The following EHBP1 variants were observed in gnomAD, a reference collection of about 807,000 sequenced individuals.
EHBP1 encodes EH domain-binding protein 1.
Under a neutral mutation model 144.0 loss-of-function variants are expected in EHBP1, and 55 were observed. The observed-to-expected ratio is 0.38, with a 90% CI of 0.31 to 0.48. The LOEUF (loss-of-function observed/expected upper bound fraction) is 0.48, where lower values mean the gene tolerates loss of function less well. Among genes scored for constraint, EHBP1 ranks in the 20% least tolerant of loss-of-function variants. The pLI, the probability that EHBP1 is intolerant of heterozygous loss-of-function variation, is 0.98. For missense variants in EHBP1, 1,200 were observed against 1,364.2 expected (o/e 0.88, Z 1.90); for synonymous variants, 469 against 472.7 (o/e 0.99, Z 0.10).
intron 5 of EHBP1, among the ~76,000 whole-genome samples, chr2:62,780,618 T>C (rs944098490): frequency 6.6e-6 from 1 of 152,178 alleles, no homozygotes; most frequent in African/African-American, 2.4e-5. Flanking sequence ...GAGAAACTTT[T>C]GTTGCACTTA....
At chr2:62,768,561 A>T (rs895932728) in intron 4 of EHBP1, among the ~76,000 whole-genome samples, 1 of 152,186 alleles carries the variant, frequency 6.6e-6, no homozygotes, top group African/African-American at 2.4e-5. Flanking sequence ...GGACCAGATG[A>T]GTTCACAGCC....
At chr2:62,795,942 G>C (rs577183401) in intron 5 of EHBP1, among the ~76,000 whole-genome samples, 70 of 151,898 alleles carry the variant, frequency 4.6e-4, no homozygotes, top group Non-Finnish European at 8.4e-4. Flanking sequence ...TGTTCTCACA[G>C]AACTCTTTAA....
intron 10 of EHBP1, among the ~76,000 whole-genome samples, chr2:62,877,343 C>T (rs963204189): frequency 6.6e-6 from 1 of 152,144 alleles, no homozygotes; most frequent in Non-Finnish European, 1.5e-5. Flanking sequence ...CTGGAGCACC[C>T]AGATTCATAA....
rs146190628 is a variant in EHBP1 at position 62,849,366 on chromosome 2, G to A, written c.635-9803G>A. The stretch of plus-strand genomic sequence containing the variant: ...CTAGCCTTTTCAGCCAAGATCAAAC[G>A]TGAGTAAAGCCATTTTGGACATCCA... On this transcript the variant is annotated intron_variant, in intron 7 of 22. Transcript: ENST00000431489. 1.5e-3 allele frequency among the ~76,000 whole-genome samples: 233 copies of A among 152,196 alleles called. 1 individual carries two copies. Among genetic ancestry groups the A allele is most frequent in the African/African-American group, 5.3e-3 (222 of 41,532 alleles).
intron 5 of EHBP1, among the ~76,000 whole-genome samples, chr2:62,811,205 A>G (rs1275985856): frequency 6.6e-6 from 1 of 152,138 alleles, no homozygotes; most frequent in Non-Finnish European, 1.5e-5. Flanking sequence ...CCATCCGACC[A>G]TCTAAGTTGG....
At chr2:62,761,266 T>G (rs1011176553) in intron 3 of EHBP1, among the ~76,000 whole-genome samples, 11 of 152,124 alleles carry the variant, frequency 7.2e-5, no homozygotes, top group Admixed American at 7.2e-4. Flanking sequence ...GGAGAGATGT[T>G]TTTTAATCAA....
chr2:62,788,185 A>G (rs1418478972), intron 5 of EHBP1, among the ~76,000 whole-genome samples: 1 of 152,172 alleles, frequency 6.6e-6, no homozygotes, highest in Non-Finnish European at 1.5e-5. Context: ...TTTTTCTAAC[A>G]TTGCTTAAAA....
chr2:62,935,975 G>A (rs2056359661), intron 10 of EHBP1, among the ~76,000 whole-genome samples: 1 of 152,056 alleles, frequency 6.6e-6, no homozygotes, highest in South Asian at 2.1e-4. Flanking sequence ...CCAAATATGT[G>A]TTCTTGGGAT....
At chr2:62,716,213 A>G (rs1487191579) in intron 2 of EHBP1, among the ~76,000 whole-genome samples, 3 of 150,620 alleles carry the variant, frequency 2.0e-5, no homozygotes, top group Non-Finnish European at 4.4e-5. Flanking sequence ...GGAACTTCCC[A>G]GGCTTCTTCC....
At position 63,045,686 on chromosome 2, in the gene EHBP1, A is replaced by G. The variant is rs2061928989; in HGVS notation, c.*186A>G. On this transcript the variant is annotated 3_prime_UTR_variant, in exon 23 of 23. Coordinates refer to ENST00000431489, the MANE Select transcript of EHBP1 (RefSeq NM_001142616.3). This position sits in a 1 kb window ranked among gnomAD's most constrained non-coding sequence, Gnocchi z 5.7. ...TCCAAATAATATACAGAACTCCAAAATAGCTTCATTTAAGGATTTTTTTGT... is the reference window on the plus strand; with the variant it reads ...TCCAAATAATATACAGAACTCCAAAGTAGCTTCATTTAAGGATTTTTTTGT... 1.4e-5 allele frequency: 8 copies of G among 554,846 alleles called. No individual in the cohort carries two copies. In the South Asian group the frequency reaches 1.5e-4, roughly 11 times the overall value. 34.4% of individuals were successfully genotyped at this position (554,846 alleles called of 1,614,324 possible).
intron 1 of EHBP1, among the ~76,000 whole-genome samples, chr2:62,691,652 T>C (rs1197507056): frequency 2.0e-5 from 3 of 152,198 alleles, no homozygotes; most frequent in African/African-American, 7.2e-5. Flanking sequence ...TCTAATCCAC[T>C]ACCTTAATTT....
intron 14 of EHBP1, among the ~76,000 whole-genome samples, chr2:62,973,911 G>C (rs1178816082): frequency 1.3e-5 from 2 of 152,070 alleles, no homozygotes; most frequent in African/African-American, 4.8e-5. Flanking sequence ...GCAGGGCTGA[G>C]GTAGGAGAAT....
intron 5 of EHBP1, among the ~76,000 whole-genome samples, chr2:62,815,268 A>G (rs1368811417): frequency 6.6e-6 from 1 of 152,188 alleles, no homozygotes; most frequent in Non-Finnish European, 1.5e-5. Context: ...GAAGAAATAA[A>G]CTCACTGCAT....
intron 2 of EHBP1, among the ~76,000 whole-genome samples, chr2:62,710,204 T>C (rs990988856): frequency 3.3e-5 from 5 of 152,120 alleles, no homozygotes; most frequent in African/African-American, 1.2e-4. Context: ...TTTACAGGTG[T>C]TTAAGTAAAC....
intron 1 of EHBP1, among the ~76,000 whole-genome samples, chr2:62,691,784 A>G (rs1242303184): frequency 6.6e-6 from 1 of 152,218 alleles, no homozygotes; most frequent in Non-Finnish European, 1.5e-5. Flanking sequence ...TTCATATTTT[A>G]AATTTCTGTA....
chr2:62,936,949 G>C (rs1455188301), intron 10 of EHBP1, among the ~76,000 whole-genome samples: 1 of 152,152 alleles, frequency 6.6e-6, no homozygotes, highest in Non-Finnish European at 1.5e-5. Flanking sequence ...AGACCAAAAT[G>C]TGCTACAACT....
chr2:62,780,731 A>G (rs2042365725), intron 5 of EHBP1, among the ~76,000 whole-genome samples: 1 of 152,224 alleles, frequency 6.6e-6, no homozygotes, highest in African/African-American at 2.4e-5. Flanking sequence ...AAAATAGTGA[A>G]TAAAAATTAC....
intron 19 of EHBP1, among the ~76,000 whole-genome samples, chr2:63,023,499 T>G (rs558327135): frequency 6.6e-6 from 1 of 152,234 alleles, no homozygotes; most frequent in Non-Finnish European, 1.5e-5. Context: ...CATTGATACA[T>G]GAATTCACAG....
chr2:62,730,624 TAGAGAGAGAGAGAGAGACAGAGACAG>T (rs1411708126), intron 2 of EHBP1, among the ~76,000 whole-genome samples: 1 of 149,670 alleles, frequency 6.7e-6, no homozygotes, highest in Non-Finnish European at 1.5e-5. Context: ...TCTTTTTTTT[TAGAGAGAGAGAGAGAGACAGAGACAG>T]AGAGAGATAG....
Sources: allele counts gnomAD v4.1 joint callset (sites outside exome capture counted in the v4.1 genomes callset), GRCh38; gene constraint gnomAD v4.1.1; non-coding constraint Gnocchi (gnomAD v3.1); transcripts MANE v1.5; gene names NCBI Gene and HGNC (gene_info 2026-07-23, HGNC 2026-07-21).